SLC9C1: variants seen among roughly 807,000 people sequenced by gnomAD.
SLC9C1 encodes the protein solute carrier family 9 member C1.
A neutral mutation model predicts 140.9 loss-of-function variants in SLC9C1; 97 were observed. That is an observed-to-expected ratio of 0.69 (90% CI 0.58 to 0.82). The LOEUF (loss-of-function observed/expected upper bound fraction) is 0.82. Among genes scored for constraint, SLC9C1 ranks in the 40% least tolerant of loss-of-function variants. The probability of loss-of-function intolerance (pLI) is 0.00; values close to 1 mark genes in which losing one functional copy is unlikely to be tolerated. For synonymous variants in SLC9C1, 440 were observed against 442.6 expected (o/e 0.99, Z 0.07); for missense variants, 1,340 against 1,389.3 (o/e 0.96, Z 0.56).
chr3:112,147,466 G>A, intron 28 of SLC9C1: 2 of 395,256 alleles, frequency 5.1e-6, no homozygotes, highest in Non-Finnish European at 5.0e-6. Flanking sequence ...ACAGTCTCTT[G>A]TAAGGATGGT....
intron 16 of SLC9C1, among the ~76,000 whole-genome samples, chr3:112,206,185 A>G (rs968041361): frequency 1.5e-4 from 22 of 146,616 alleles, no homozygotes; most frequent in African/African-American, 2.3e-4. Context: ...AAAAGTGGGC[A>G]AAGGACATGA....
chr3:112,161,642 G>A (rs937690596), intron 26 of SLC9C1, among the ~76,000 whole-genome samples: 10 of 151,820 alleles, frequency 6.6e-5, no homozygotes, highest in Non-Finnish European at 2.9e-5. Context: ...CTCTGTTTTG[G>A]TACCAGTACC....
intron 16 of SLC9C1, 93 bp from the exon 17 acceptor site, chr3:112,204,496 CTCTT>C: frequency 7.8e-7 from 1 of 1,288,148 alleles, no homozygotes; most frequent in Non-Finnish European, 1.1e-6. Context: ...TTAGGCTTTT[CTCTT>C]ATCTACTCCA....
chr3:112,264,515 A>T (rs1018205029), intron 8 of SLC9C1, among the ~76,000 whole-genome samples, 172 bp from the exon 9 acceptor site: 1 of 152,012 alleles, frequency 6.6e-6, no homozygotes, highest in African/African-American at 2.4e-5. Flanking sequence ...AAATTATTTT[A>T]CACAAAAGAA....
At chr3:112,276,598 A>C (rs2080221440) in intron 5 of SLC9C1, among the ~76,000 whole-genome samples, 1 of 152,008 alleles carries the variant, frequency 6.6e-6, no homozygotes, top group Non-Finnish European at 1.5e-5. Flanking sequence ...CTTGCAAGGT[A>C]CTCTTCGTAA....
At chr3:112,172,938 C>G (rs188669745) in intron 23 of SLC9C1, among the ~76,000 whole-genome samples, 61 of 152,062 alleles carry the variant, frequency 4.0e-4, no homozygotes, top group Non-Finnish European at 7.4e-4. Context: ...TTCTTAGATT[C>G]AACTTGCTAG....
Position 112,286,868 on chromosome 3 carries a change from T to A in SLC9C1, c.-77A>T. On this transcript the variant is annotated 5_prime_UTR_variant, in exon 2 of 29. Coordinates refer to ENST00000305815, the MANE Select transcript of SLC9C1 (RefSeq NM_183061.3). ...TCATCCATCTTGTTGTTTTTCACAG[T>A]CCATCTGAATCTAAGAAACATAAGA... The A allele has an allele frequency of 1.1e-6, 1 of 913,354 alleles. No homozygotes were observed. Among genetic ancestry groups the A allele is most frequent in the Non-Finnish European group, 1.6e-6 (1 of 623,802 alleles). The allele number at this position is 913,354 out of a possible 1,614,324, so 56.6% of individuals were successfully genotyped here. A position where few individuals can be genotyped will look rare whatever the true frequency, so the allele number is the denominator to read the frequency against.
chr3:112,167,499 TA>T, intron 25 of SLC9C1, 152 bp from the exon 26 acceptor site: 2 of 723,022 alleles, frequency 2.8e-6, no homozygotes, highest in Non-Finnish European at 4.1e-6. Flanking sequence ...TATCTTAAAA[TA>T]CTTGGATATA....
At chr3:112,176,386 C>T (rs371223064) in intron 23 of SLC9C1, among the ~76,000 whole-genome samples, 73 of 152,294 alleles carry the variant, frequency 4.8e-4, no homozygotes, top group African/African-American at 1.6e-3. Flanking sequence ...TGTTTACTTG[C>T]CCCTTCCATC....
At chr3:112,234,620 T>G (rs898492325) in intron 12 of SLC9C1, among the ~76,000 whole-genome samples, 1 of 152,190 alleles carries the variant, frequency 6.6e-6, no homozygotes, top group East Asian at 1.9e-4. Flanking sequence ...GGTCTAACAT[T>G]TAAGTCTTTA....
chr3:112,155,188 T>G (rs2075095268), intron 26 of SLC9C1, 139 bp from the exon 27 acceptor site: 3 of 634,004 alleles, frequency 4.7e-6, no homozygotes. Flanking sequence ...TCTCATTTGG[T>G]TAAAAAAAAG....
intron 20 of SLC9C1, among the ~76,000 whole-genome samples, chr3:112,197,248 A>G (rs1006385163): frequency 9.9e-5 from 15 of 152,160 alleles, no homozygotes; most frequent in Admixed American, 8.5e-4. Flanking sequence ...AAGAGAAATA[A>G]GACAAAAATA....
chr3:112,215,667 CAAG>C (rs1274749275), intron 15 of SLC9C1, among the ~76,000 whole-genome samples: 2 of 152,100 alleles, frequency 1.3e-5, no homozygotes, highest in Non-Finnish European at 2.9e-5. Flanking sequence ...AGGACCTCTT[CAAG>C]AAGAACTACA....
chr3:112,171,329 CA>C (rs2077243948), intron 23 of SLC9C1, among the ~76,000 whole-genome samples: 1 of 152,018 alleles, frequency 6.6e-6, no homozygotes, highest in Non-Finnish European at 1.5e-5. Flanking sequence ...ATTGACGTAC[CA>C]CTGTGGGTTT....
At chr3:112,154,584 G>A (rs1273454946) in intron 27 of SLC9C1, among the ~76,000 whole-genome samples, 2 of 152,154 alleles carry the variant, frequency 1.3e-5, no homozygotes, top group African/African-American at 4.8e-5. Context: ...GTCATGCACT[G>A]TAAACACAGG....
chr3:112,250,159 G>A (rs1411524736), intron 10 of SLC9C1, among the ~76,000 whole-genome samples: 4 of 150,756 alleles, frequency 2.7e-5, no homozygotes, highest in South Asian at 2.1e-4. Context: ...GAGAACATGC[G>A]GTGTTTGGTT....
chr3:112,278,604 T>G, intron 4 of SLC9C1, 125 bp downstream of exon 4: 1 of 1,012,522 alleles, frequency 9.9e-7, no homozygotes, highest in Non-Finnish European at 1.4e-6. Context: ...TGAAGCTGAA[T>G]TTATTACTCC....
chr3:112,168,350 CACACACACACACACACA>C (rs967393931), intron 25 of SLC9C1, among the ~76,000 whole-genome samples: 34 of 112,684 alleles, frequency 3.0e-4, no homozygotes, highest in East Asian at 2.1e-3. Flanking sequence ...CACACACACA[CACACACACACACACACA>C]ACTTCTTTCC....
In SLC9C1 at chr3:112,206,862, G is replaced by A. The variant is rs1168817132; in HGVS notation, c.1986+1316C>T. 9.6e-5 allele frequency among the ~76,000 whole-genome samples: 6 copies of A among 62,800 alleles called. No individual in the cohort carries two copies. The East Asian group carries it at 0.016, about 171-fold the overall frequency. 41.2% of individuals were successfully genotyped at this position (62,800 alleles called of 152,430 possible). ...CTGTCGTGGGGTCGGGGGCTGGGGG[G>A]AGGGATAAGCAGTAGGAGAAATAAC... On this transcript the variant is annotated intron_variant, in intron 16 of 28. Transcript: ENST00000305815.
Sources: allele counts gnomAD v4.1 joint callset (sites outside exome capture counted in the v4.1 genomes callset), GRCh38; gene constraint gnomAD v4.1.1; transcripts MANE v1.5; gene names NCBI Gene and HGNC (gene_info 2026-07-23, HGNC 2026-07-21).